KAZN: variants seen among roughly 807,000 people sequenced by gnomAD.
KAZN encodes kazrin.
Under a neutral mutation model 87.4 loss-of-function variants are expected in KAZN, and 40 were observed. That is an observed-to-expected ratio of 0.46 (90% CI 0.36 to 0.60). The LOEUF is 0.60. Ranked by LOEUF, KAZN falls within the 20% of genes least tolerant of loss-of-function variation. The pLI is 0.00. For missense variants in KAZN, 898 were observed against 1,073.9 expected (o/e 0.84, Z 2.29); for synonymous variants, 466 against 458.3 (o/e 1.02, Z -0.22).
At chr1:14,164,124 A>G (rs1016065530) in intron 1 of KAZN, among the ~76,000 whole-genome samples, 1 of 152,216 alleles carries the variant, frequency 6.6e-6, no homozygotes, top group African/African-American at 2.4e-5. Flanking sequence ...ATTACTGCTC[A>G]TAAATTACCT....
intron 2 of KAZN, among the ~76,000 whole-genome samples, chr1:14,443,771 T>G (rs1666825989): frequency 6.6e-6 from 1 of 152,232 alleles, no homozygotes; most frequent in Non-Finnish European, 1.5e-5. Context: ...GCTGCTTTCC[T>G]TAGACTTCTG....
intron 1 of KAZN, among the ~76,000 whole-genome samples, chr1:13,993,327 T>C (rs1042604163): frequency 6.6e-6 from 1 of 152,134 alleles, no homozygotes; most frequent in African/African-American, 2.4e-5. Flanking sequence ...GATTGATACA[T>C]ATACAGTCAG....
Position 14,402,843 on chromosome 1 carries a change from TTTGAGACAGAGTC to T in KAZN, c.250-196138_250-196126del, listed in dbSNP as rs1245493325. Among the ~76,000 whole-genome samples, 804 of 152,260 alleles carry T rather than the reference TTTGAGACAGAGTC, an allele frequency of 5.3e-3. 3 individuals carry two copies. The highest frequency in any genetic ancestry group is 0.018 in the African/African-American group (741 of 41,548). ...AATGGATATAGAAACTTTTTTTTTTTTTGAGACAGAGTCTCACTCTGTTTCCTAGGCTGGAGTG... is the reference window on the plus strand; with the variant it reads ...AATGGATATAGAAACTTTTTTTTTTTTCACTCTGTTTCCTAGGCTGGAGTG... On this transcript the variant is annotated intron_variant, in intron 2 of 16. Coordinates refer to the KAZN transcript ENST00000636203.
chr1:14,927,473 T>A (rs1659297188), intron 1 of KAZN, among the ~76,000 whole-genome samples: 1 of 151,420 alleles, frequency 6.6e-6, no homozygotes, highest in Non-Finnish European at 1.5e-5. Context: ...CGGGGAGGGG[T>A]TAGAATGATG....
intron 2 of KAZN, among the ~76,000 whole-genome samples, chr1:14,191,072 T>G (rs1163181429): frequency 6.6e-6 from 1 of 152,122 alleles, no homozygotes; most frequent in Non-Finnish European, 1.5e-5. Context: ...CCCCCTGGTT[T>G]TACACCATTC....
chr1:14,423,771 C>T lies in KAZN; in HGVS notation c.250-175212C>T, dbSNP rs774332853. Among the ~76,000 whole-genome samples, 4 of 152,258 alleles carry T rather than the reference C, an allele frequency of 2.6e-5. No homozygotes were observed. In the South Asian group the frequency reaches 6.2e-4, roughly 24 times the overall value. ...CTCACTTCCACATGGACCAGTGACC[C>T]GGGCCTGGACATCAAAACTCTCTCC... is the stretch of plus-strand genomic sequence containing the variant. On this transcript the variant is annotated intron_variant, in intron 2 of 16. Transcript: ENST00000636203.
At chr1:14,830,900 G>A (rs1032553125) in intron 1 of KAZN, among the ~76,000 whole-genome samples, 1 of 152,184 alleles carries the variant, frequency 6.6e-6, no homozygotes, top group African/African-American at 2.4e-5. Flanking sequence ...CAGGTGGACT[G>A]AGCACCAGGC....
chr1:13,978,129 C>CA (rs35828417), intron 1 of KAZN, among the ~76,000 whole-genome samples: 46,845 of 82,742 alleles, frequency 0.57, 14,092 homozygotes, highest in African/African-American at 0.66. Flanking sequence ...CTCCATCTCA[C>CA]AAAAAAAAAA....
intron 2 of KAZN, among the ~76,000 whole-genome samples, chr1:14,963,943 C>T (rs1226196519): frequency 1.3e-5 from 2 of 152,120 alleles, no homozygotes; most frequent in African/African-American, 4.8e-5. Context: ...CACCCATGTC[C>T]CTGCAAAGGA....
intron 2 of KAZN, among the ~76,000 whole-genome samples, chr1:14,474,501 G>C (rs1472776184): frequency 3.3e-5 from 5 of 152,188 alleles, no homozygotes; most frequent in African/African-American, 4.8e-5. Context: ...GAACGTACTT[G>C]GCTTATTTGA....
intron 1 of KAZN, among the ~76,000 whole-genome samples, chr1:14,032,747 C>T (rs1470920184): frequency 6.6e-6 from 1 of 152,156 alleles, no homozygotes; most frequent in African/African-American, 2.4e-5. Context: ...TGTGTAACTC[C>T]TGTGTGTTCT....
intron 1 of KAZN, among the ~76,000 whole-genome samples, chr1:13,985,534 C>T (rs201568873): frequency 8.2e-6 from 1 of 121,540 alleles, no homozygotes; most frequent in African/African-American, 3.3e-5. Context: ...GGAAGGGGAA[C>T]ATCACACTCT....
At chr1:14,359,799 A>G (rs986464759) in intron 2 of KAZN, among the ~76,000 whole-genome samples, 3 of 152,286 alleles carry the variant, frequency 2.0e-5, no homozygotes, top group East Asian at 3.9e-4. Flanking sequence ...TTCTGCAGAG[A>G]GATCCACTGT....
At chr1:14,608,654 C>G (rs1342205855) in intron 1 of KAZN, among the ~76,000 whole-genome samples, 1 of 152,090 alleles carries the variant, frequency 6.6e-6, no homozygotes, top group Non-Finnish European at 1.5e-5. Flanking sequence ...GTGGATGATA[C>G]TGGGTTTAGA....
At chr1:13,989,402 A>G (rs1557766792) in intron 1 of KAZN, among the ~76,000 whole-genome samples, 1 of 152,166 alleles carries the variant, frequency 6.6e-6, no homozygotes, top group African/African-American at 2.4e-5. Flanking sequence ...TACAACCTTC[A>G]GGCGGGAATC....
At chr1:14,287,364 G>A (rs1194103468) in intron 2 of KAZN, among the ~76,000 whole-genome samples, 1 of 152,124 alleles carries the variant, frequency 6.6e-6, no homozygotes, top group East Asian at 1.9e-4. Flanking sequence ...GCAGAAACCT[G>A]GGCATAATGC....
chr1:13,997,129 A>G (rs991132075), intron 1 of KAZN, among the ~76,000 whole-genome samples: 1 of 151,790 alleles, frequency 6.6e-6, no homozygotes, highest in Admixed American at 6.6e-5. Context: ...GAGGGACTTG[A>G]CCATTGAAAG....
chr1:14,904,050 C>T (rs1162774776), intron 1 of KAZN, among the ~76,000 whole-genome samples: 4 of 152,154 alleles, frequency 2.6e-5, no homozygotes, highest in African/African-American at 4.8e-5. Context: ...CACTGGTCAA[C>T]GGGTTGGTTA....
intron 2 of KAZN, among the ~76,000 whole-genome samples, chr1:14,365,778 AAT>A (rs1659946981): frequency 6.6e-6 from 1 of 152,206 alleles, no homozygotes; most frequent in South Asian, 2.1e-4. Flanking sequence ...CGGGTTAAAA[AAT>A]AATACTTTCT....
Sources: gnomAD v4.1 joint callset for allele counts (sites outside exome capture counted in the v4.1 genomes callset) on GRCh38, gnomAD v4.1.1 for gene constraint, MANE v1.5 for transcripts, NCBI Gene and HGNC (gene_info 2026-07-23, HGNC 2026-07-21) for gene names.